TBL1XR1: variants seen among roughly 807,000 people sequenced by gnomAD.
The protein encoded by TBL1XR1 is TBL1X/Y related 1.
TBL1XR1 carries 5 observed loss-of-function variants against 66.9 expected under a neutral mutation model. The observed-to-expected ratio is 0.07, with a 90% CI of 0.04 to 0.16. The LOEUF (loss-of-function observed/expected upper bound fraction) is 0.16, where lower values mean the gene tolerates loss of function less well. Ranked by LOEUF, TBL1XR1 falls within the 10% of genes least tolerant of loss-of-function variation. TBL1XR1 has a pLI of 1.00. For synonymous variants in TBL1XR1, 210 were observed against 206.0 expected, an observed-to-expected ratio of 1.02 and a Z score of -0.17; for missense variants, 238 against 623.2, an observed-to-expected ratio of 0.38 and a Z score of 6.58.
At chr3:177,106,463 T>C (rs1724902242) in intron 1 of TBL1XR1, among the ~76,000 whole-genome samples, 2 of 152,124 alleles carry the variant, frequency 1.3e-5, no homozygotes, top group South Asian at 2.1e-4. Context: ...TTGTGCAAAT[T>C]AGACTCTAGC....
At chr3:177,159,940 C>T (rs543297996) in intron 1 of TBL1XR1, among the ~76,000 whole-genome samples, 1 of 152,174 alleles carries the variant, frequency 6.6e-6, no homozygotes, top group East Asian at 1.9e-4. Flanking sequence ...GTCGTTAATA[C>T]CACCACATTA....
chr3:177,099,824 T>G (rs966853755), intron 1 of TBL1XR1, among the ~76,000 whole-genome samples: 4 of 152,278 alleles, frequency 2.6e-5, no homozygotes, highest in African/African-American at 9.6e-5. Context: ...GAGCTAAAGT[T>G]ATATAGGGCT....
At chr3:177,054,038 C>A (rs901256555) in intron 3 of TBL1XR1, 120 bp from the exon 4 acceptor site, 2 of 1,085,692 alleles carry the variant, frequency 1.8e-6, no homozygotes, top group East Asian at 2.5e-5. Context: ...AAATCCCAGA[C>A]GAAGGTCGTG....
At chr3:177,071,031 G>GTTTGTTTTTTTT (rs1719914768) in intron 2 of TBL1XR1, among the ~76,000 whole-genome samples, 2 of 104,716 alleles carry the variant, frequency 1.9e-5, no homozygotes, top group Admixed American at 1.1e-4. Flanking sequence ...CTGAGAATCT[G>GTTTGTTTTTTTT]TTTTTTTTTT....
At chr3:177,049,777 G>A (rs1208284893) in intron 7 of TBL1XR1, among the ~76,000 whole-genome samples, 1 of 152,150 alleles carries the variant, frequency 6.6e-6, no homozygotes, top group Non-Finnish European at 1.5e-5. Flanking sequence ...GATATGCTGT[G>A]GGATACACTG....
intron 2 of TBL1XR1, among the ~76,000 whole-genome samples, chr3:177,084,635 C>T (rs1160384652): frequency 6.6e-6 from 1 of 152,240 alleles, no homozygotes; most frequent in Non-Finnish European, 1.5e-5. Flanking sequence ...ACATTTGGTA[C>T]TCCACCTCTA....
At chr3:177,086,545 G>A (rs1272992194) in intron 2 of TBL1XR1, among the ~76,000 whole-genome samples, 1 of 152,010 alleles carries the variant, frequency 6.6e-6, no homozygotes, top group South Asian at 2.1e-4. Context: ...TACATGACAT[G>A]GGGTTGGAGC....
chr3:177,168,589 G>GT (rs1260450594), intron 1 of TBL1XR1, among the ~76,000 whole-genome samples: 1 of 151,990 alleles, frequency 6.6e-6, no homozygotes, highest in Non-Finnish European at 1.5e-5. Flanking sequence ...GCCATGAACC[G>GT]TTTTCTAAAG....
At chr3:177,038,597 T>G (rs975809919) in intron 10 of TBL1XR1, 163 bp from the exon 11 acceptor site, 1 of 640,574 alleles carries the variant, frequency 1.6e-6, no homozygotes. Context: ...TAAAAGTATC[T>G]ATATACAACA....
chr3:177,113,709 G>T (rs1405952658), intron 1 of TBL1XR1, among the ~76,000 whole-genome samples: 1 of 152,014 alleles, frequency 6.6e-6, no homozygotes, highest in Non-Finnish European at 1.5e-5. Context: ...AATGGCAAAA[G>T]ACCTGAATAG....
intron 1 of TBL1XR1, among the ~76,000 whole-genome samples, chr3:177,189,935 ACT>A (rs1735925176): frequency 6.6e-6 from 1 of 152,106 alleles, no homozygotes; most frequent in Non-Finnish European, 1.5e-5. Context: ...TAGGTACACT[ACT>A]AAGGAAATAA....
chr3:177,147,285 G>A (rs1730367419), intron 1 of TBL1XR1, among the ~76,000 whole-genome samples: 2 of 152,076 alleles, frequency 1.3e-5, no homozygotes, highest in Non-Finnish European at 2.9e-5. Flanking sequence ...CTGTGCTCAA[G>A]CAATTCTCCT....
At chr3:177,127,532 A>G (rs1313531921) in intron 1 of TBL1XR1, among the ~76,000 whole-genome samples, 3 of 152,212 alleles carry the variant, frequency 2.0e-5, no homozygotes, top group African/African-American at 2.4e-5. Flanking sequence ...CTTGTATACT[A>G]TTCTTCACAC....
intron 1 of TBL1XR1, among the ~76,000 whole-genome samples, chr3:177,156,007 C>G (rs1191176149): frequency 6.6e-6 from 1 of 151,372 alleles, no homozygotes; most frequent in Non-Finnish European, 1.5e-5. Context: ...GAAACTCCAT[C>G]TCAAAATAAA....
At position 177,024,706 on chromosome 3, in the gene TBL1XR1, CAAA is replaced by C. The variant is rs1258577255; in HGVS notation, c.*789_*791del. ...GCATTTAAGCCACATCACCAAAAAA[CAAA>C]AAAGAAAAAAAAAAAAAAAAAGCAA... On this transcript the variant is annotated 3_prime_UTR_variant, in exon 16 of 16. Coordinates refer to ENST00000457928, the MANE Select transcript of TBL1XR1 (RefSeq NM_024665.7). 2 of 40,818 alleles carry C rather than the reference CAAA, an allele frequency of 4.9e-5. No individual in the cohort carries two copies. Among genetic ancestry groups the C allele is most frequent in the Non-Finnish European group, 1.0e-4 (2 of 19,844 alleles). 2.5% of individuals were successfully genotyped at this position (40,818 alleles called of 1,614,324 possible).
chr3:177,143,690 A>G (rs1383244250), intron 1 of TBL1XR1, among the ~76,000 whole-genome samples: 1 of 152,218 alleles, frequency 6.6e-6, no homozygotes, highest in African/African-American at 2.4e-5. Context: ...CAAACTTTCA[A>G]GGTGATGGGA....
At chr3:177,035,335 TAG>T (rs766792078) in intron 12 of TBL1XR1, among the ~76,000 whole-genome samples, 2 of 152,226 alleles carry the variant, frequency 1.3e-5, no homozygotes, top group Admixed American at 6.5e-5. Context: ...TGGTGATTGT[TAG>T]AGTTTCTAAG....
chr3:177,102,510 GA>G (rs1229714608), intron 1 of TBL1XR1, among the ~76,000 whole-genome samples: 2 of 152,138 alleles, frequency 1.3e-5, no homozygotes, highest in South Asian at 2.1e-4. Flanking sequence ...AAGATATAGT[GA>G]TATACTTTAC....
chr3:177,162,624 T>G (rs993347144), intron 1 of TBL1XR1, among the ~76,000 whole-genome samples: 2 of 152,148 alleles, frequency 1.3e-5, no homozygotes, highest in African/African-American at 4.8e-5. Flanking sequence ...TTAAAACTCA[T>G]CAAAACAGTA....
Sources: gnomAD v4.1 joint callset for allele counts (sites outside exome capture counted in the v4.1 genomes callset) on GRCh38, gnomAD v4.1.1 for gene constraint, MANE v1.5 for transcripts, NCBI Gene and HGNC (gene_info 2026-07-23, HGNC 2026-07-21) for gene names.